The following CCPG1 variants were observed in gnomAD, a reference collection of about 807,000 sequenced individuals.
CCPG1 encodes cell cycle progression protein 1.
CCPG1 carries 46 observed loss-of-function variants against 81.3 expected under a neutral mutation model. That is an observed-to-expected ratio of 0.57 (90% confidence interval 0.45 to 0.72). The LOEUF is 0.72. Ranked by LOEUF, CCPG1 falls within the 30% of genes least tolerant of loss-of-function variation. The probability of loss-of-function intolerance (pLI) is 0.00; values close to 1 mark genes in which losing one functional copy is unlikely to be tolerated. For missense variants in CCPG1, 902 were observed against 937.6 expected, an observed-to-expected ratio of 0.96 and a Z score of 0.50; for synonymous variants, 330 against 305.2, an observed-to-expected ratio of 1.08 and a Z score of -0.85.
At position 55,405,033 on chromosome 15, in the gene CCPG1, C is replaced by T. The variant is rs1282233271; in HGVS notation, c.-10+3188G>A. ...TGAGGCCAGGAGTTCATGACCAGCC[C>T]GGCTAACATGGCAAAACCCAGTCTC... On this transcript the variant is annotated intron_variant, in intron 1 of 8. Transcript: ENST00000442196. 7.2e-5 allele frequency among the ~76,000 whole-genome samples: 11 copies of T among 151,866 alleles called. 1 individual carries two copies. In the East Asian group the frequency reaches 7.8e-4, roughly 11 times the overall value.
At position 55,361,296 on chromosome 15, in the gene CCPG1, G is replaced by A. The variant is rs570735775; in HGVS notation, c.829-352C>T. Among the ~76,000 whole-genome samples the A allele has an allele frequency of 4.5e-4, 69 of 151,774 alleles. 1 individual carries two copies. Among genetic ancestry groups the A allele is most frequent in the African/African-American group, 1.6e-3 (67 of 41,402 alleles). On this transcript the variant is annotated intron_variant, in intron 7 of 8. Transcript: ENST00000442196. Reference sequence around the variant, plus strand: ...GACTCTCCAGCCTCCCAAAGTGCTGGCATTATAGGCATGAACCACCGCGCC... The same window carrying A: ...GACTCTCCAGCCTCCCAAAGTGCTGACATTATAGGCATGAACCACCGCGCC...
intron 1 of CCPG1, among the ~76,000 whole-genome samples, chr15:55,394,859 C>T (rs1247834227): frequency 1.3e-5 from 2 of 151,774 alleles, no homozygotes; most frequent in Non-Finnish European, 1.5e-5. Context: ...GAAGCCAGAG[C>T]CTGCATGATT....
chr15:55,407,478 C>T lies in CCPG1; in HGVS notation c.-10+743G>A, dbSNP rs144111178. Among the ~76,000 whole-genome samples the T allele has an allele frequency of 1.5e-3, 221 of 152,286 alleles. 1 individual carries two copies. Among genetic ancestry groups the T allele is most frequent in the African/African-American group, 4.7e-3 (197 of 41,564 alleles). ...TCATAGTACTATATAGTTAGCTATT[C>T]TAACTACAAGAATGCCCAACTGTGT... On this transcript the variant is annotated intron_variant, in intron 1 of 8. Coordinates refer to ENST00000442196, the MANE Select transcript of CCPG1 (RefSeq NM_001204450.2).
At chr15:55,385,744 T>C (rs369647122) in intron 2 of CCPG1, 30 bp from the exon 3 acceptor site, 9 of 1,231,410 alleles carry the variant, frequency 7.3e-6, no homozygotes, top group African/African-American at 5.9e-5. Flanking sequence ...TTTCAGTTAT[T>C]TGCCTATTAG....
At chr15:55,405,293 C>A (rs777909314) in intron 1 of CCPG1, among the ~76,000 whole-genome samples, 1 of 151,972 alleles carries the variant, frequency 6.6e-6, no homozygotes, top group Non-Finnish European at 1.5e-5. Context: ...AACCAGGAGG[C>A]GGAGGTTGTG....
At chr15:55,388,888 G>A (rs1022351547) in intron 2 of CCPG1, among the ~76,000 whole-genome samples, 1 of 151,836 alleles carries the variant, frequency 6.6e-6, no homozygotes. Flanking sequence ...GGCCAAGATG[G>A]TGAAACTCGT....
chr15:55,402,905 GCAGTTTCAGGACATTTGA>G (rs2057153187), intron 1 of CCPG1, among the ~76,000 whole-genome samples: 1 of 152,198 alleles, frequency 6.6e-6, no homozygotes, highest in Non-Finnish European at 1.5e-5. Flanking sequence ...GAAGTACACT[GCAGTTTCAGGACATTTGA>G]TGCAACAGAG....
intron 1 of CCPG1, among the ~76,000 whole-genome samples, chr15:55,406,271 G>C (rs1225538833): frequency 6.9e-6 from 1 of 144,104 alleles, no homozygotes; most frequent in African/African-American, 2.5e-5. Context: ...TGAAAAAAAT[G>C]ATATAGAAAC....
At chr15:55,361,348 A>G (rs2056191094) in intron 7 of CCPG1, among the ~76,000 whole-genome samples, 1 of 151,948 alleles carries the variant, frequency 6.6e-6, no homozygotes, top group African/African-American at 2.4e-5. Context: ...AAAGACAGAA[A>G]GTTAGCTAGA....
intron 3 of CCPG1, among the ~76,000 whole-genome samples, chr15:55,383,644 T>G (rs924033923): frequency 6.6e-6 from 1 of 152,256 alleles, no homozygotes; most frequent in East Asian, 1.9e-4. Context: ...CCTGGATAAC[T>G]TGGTGCGCCT....
chr15:55,355,488 A>G lies in CCPG1; in HGVS notation c.*732T>C. Reference sequence around the variant, plus strand: ...GGAAATATTCAGATGCTGCTTAAATACTTCGGTAAACACTGGGTAAGATTC... The same window carrying G: ...GGAAATATTCAGATGCTGCTTAAATGCTTCGGTAAACACTGGGTAAGATTC... On this transcript the variant is annotated 3_prime_UTR_variant, in exon 9 of 9. Transcript: ENST00000442196. 1 of 1,387,692 alleles carries G rather than the reference A, an allele frequency of 7.2e-7. No individual in the cohort carries two copies. The highest frequency in any genetic ancestry group is 1.0e-6 in the Non-Finnish European group (1 of 999,630). The allele number at this position is 1,387,692 out of a possible 1,614,324, so 86.0% of individuals were successfully genotyped here. A position where few individuals can be genotyped will look rare whatever the true frequency, so the allele number is the denominator to read the frequency against.
intron 1 of CCPG1, among the ~76,000 whole-genome samples, chr15:55,393,129 A>C (rs1397986184): frequency 6.6e-6 from 1 of 152,020 alleles, no homozygotes; most frequent in East Asian, 1.9e-4. Context: ...AATTAATTAA[A>C]TTAAATAGCA....
At chr15:55,397,105 T>C (rs1420837995) in intron 1 of CCPG1, among the ~76,000 whole-genome samples, 2 of 152,192 alleles carry the variant, frequency 1.3e-5, no homozygotes, top group Admixed American at 6.5e-5. Context: ...TTCCAGCTAC[T>C]TCGGACGCTG....
At chr15:55,393,348 G>A (rs2056959597) in intron 1 of CCPG1, among the ~76,000 whole-genome samples, 1 of 152,212 alleles carries the variant, frequency 6.6e-6, no homozygotes, top group African/African-American at 2.4e-5. Context: ...GCCGAGGCAG[G>A]AGGATCATTT....
intron 7 of CCPG1, among the ~76,000 whole-genome samples, chr15:55,361,746 G>C (rs1848226114): frequency 6.6e-6 from 1 of 151,770 alleles, no homozygotes; most frequent in Non-Finnish European, 1.5e-5. Flanking sequence ...ATTACATCGA[G>C]AGCTGACTTA....
intron 1 of CCPG1, among the ~76,000 whole-genome samples, chr15:55,398,912 A>C (rs2057073904): frequency 6.6e-6 from 1 of 152,130 alleles, no homozygotes; most frequent in Non-Finnish European, 1.5e-5. Flanking sequence ...TTTTTGTCTA[A>C]TAAACATATG....
At chr15:55,375,412 C>T (rs1248364582) in intron 5 of CCPG1, among the ~76,000 whole-genome samples, 1 of 152,084 alleles carries the variant, frequency 6.6e-6, no homozygotes, top group African/African-American at 2.4e-5. Context: ...GGTGGGGAAA[C>T]TACCTGAATA....
chr15:55,391,712 G>A (rs944646932), intron 1 of CCPG1, among the ~76,000 whole-genome samples: 8 of 151,894 alleles, frequency 5.3e-5, no homozygotes, highest in Admixed American at 2.6e-4. Context: ...TTCTGGAGCC[G>A]GAAGCAGTGG....
rs531780393 is a variant in CCPG1, at chr15:55,393,731, G to A, written c.-9-4298C>T. On this transcript the variant is annotated intron_variant, in intron 1 of 8. Transcript: ENST00000442196. The stretch of plus-strand genomic sequence containing the variant: ...TGAGATGGGAAAATAGGGTCTGGAG[G>A]CAGGGAACATTAGGCCGATTCACAC... Among the ~76,000 whole-genome samples, 3 of 152,160 alleles carry A rather than the reference G, an allele frequency of 2.0e-5. No individual in the cohort carries two copies. In the East Asian group the frequency reaches 5.8e-4, roughly 29 times the overall value.
Sources: gnomAD v4.1 joint callset for allele counts (sites outside exome capture counted in the v4.1 genomes callset) on GRCh38, gnomAD v4.1.1 for gene constraint, MANE v1.5 for transcripts, NCBI Gene and HGNC (gene_info 2026-07-23, HGNC 2026-07-21) for gene names.